The following CIMIP6 variants were observed in gnomAD, a reference collection of about 807,000 sequenced individuals.
CIMIP6 encodes ciliary microtubule inner protein 6, also known as uncharacterized protein C2orf73.
the CIMIP6 span, among the ~76,000 whole-genome samples, chr2:54,357,731 C>T: frequency 6.8e-6 from 1 of 146,188 alleles, no homozygotes; most frequent in Non-Finnish European, 1.5e-5. Context: ...CGTTCACCAC[C>T]ACGCCCAGCT....
At chr2:54,333,983 A>G in the CIMIP6 span, among the ~76,000 whole-genome samples, 2 of 152,192 alleles carry the variant, frequency 1.3e-5, no homozygotes, top group African/African-American at 4.8e-5. Context: ...GGCTGTGTAT[A>G]AGATTAAACG....
chr2:54,367,225 A>T, the CIMIP6 span, among the ~76,000 whole-genome samples: 7 of 152,178 alleles, frequency 4.6e-5, no homozygotes, highest in Non-Finnish European at 8.8e-5. Flanking sequence ...CAAGGCAAAT[A>T]AATCAGTAAA....
At chr2:54,357,032 C>T in the CIMIP6 span, among the ~76,000 whole-genome samples, 2 of 152,140 alleles carry the variant, frequency 1.3e-5, no homozygotes, top group Non-Finnish European at 2.9e-5. Flanking sequence ...AGAATTTTCT[C>T]AGTGTCATGC....
At chr2:54,351,835 A>G in the CIMIP6 span, among the ~76,000 whole-genome samples, 1 of 152,208 alleles carries the variant, frequency 6.6e-6, no homozygotes, top group Non-Finnish European at 1.5e-5. Context: ...TCTTTACAAG[A>G]AAAACTTAAA....
the CIMIP6 span, among the ~76,000 whole-genome samples, chr2:54,351,717 T>A: frequency 4.6e-5 from 7 of 152,118 alleles, no homozygotes; most frequent in Admixed American, 6.6e-5. Flanking sequence ...CAAACCCCCA[T>A]GAGACAAGCT....
At chr2:54,339,865 C>T in the CIMIP6 span, 7 of 319,230 alleles carry the variant, frequency 2.2e-5, 2 homozygotes, top group Non-Finnish European at 2.9e-5. Context: ...ACTTCACTTG[C>T]TTTTTACTAC....
At chr2:54,381,749 G>T in the CIMIP6 span, 4 of 1,407,480 alleles carry the variant, frequency 2.8e-6, no homozygotes, top group African/African-American at 4.5e-5. Flanking sequence ...TTTCCATCAT[G>T]GGCACATTTC....
At chr2:54,349,426 G>A in the CIMIP6 span, among the ~76,000 whole-genome samples, 1 of 152,176 alleles carries the variant, frequency 6.6e-6, no homozygotes, top group South Asian at 2.1e-4. Context: ...CAAATTGTAT[G>A]TTTGAATAAA....
At chr2:54,334,964 T>G in the CIMIP6 span, 1 of 1,604,596 alleles carries the variant, frequency 6.2e-7, no homozygotes, top group Non-Finnish European at 8.5e-7. Context: ...TTAACACAAA[T>G]GCAAGAACAT....
chr2:54,354,128 T>C, the CIMIP6 span, among the ~76,000 whole-genome samples: 1 of 152,170 alleles, frequency 6.6e-6, no homozygotes, highest in African/African-American at 2.4e-5. Flanking sequence ...CATTTACTTA[T>C]AGGACCTCCT....
the CIMIP6 span, among the ~76,000 whole-genome samples, chr2:54,375,767 ATT>A: frequency 6.6e-6 from 1 of 152,242 alleles, no homozygotes; most frequent in African/African-American, 2.4e-5. Flanking sequence ...TCTACTGTGC[ATT>A]TGAGCATGGG....
the CIMIP6 span, among the ~76,000 whole-genome samples, chr2:54,377,964 A>G: frequency 1.3e-5 from 2 of 152,252 alleles, no homozygotes; most frequent in East Asian, 1.9e-4. Flanking sequence ...TACGTGAAAC[A>G]CCCAGCCCAG....
At chr2:54,360,198 T>C in the CIMIP6 span, 1 of 1,550,090 alleles carries the variant, frequency 6.5e-7, no homozygotes, top group Non-Finnish European at 8.7e-7. Flanking sequence ...TGTTTTCTTT[T>C]CCAGAGACAC....
At chr2:54,379,055 G>T in the CIMIP6 span, among the ~76,000 whole-genome samples, 46,577 of 152,058 alleles carry the variant, frequency 0.31, 7,774 homozygotes, top group East Asian at 0.59. Context: ...ATAAACCAAC[G>T]AAGAAACAAA....
the CIMIP6 span, among the ~76,000 whole-genome samples, chr2:54,332,229 AC>A: frequency 2.0e-5 from 3 of 152,058 alleles, no homozygotes; most frequent in Admixed American, 1.3e-4. Context: ...CCTCCACCCT[AC>A]CTGAAAATGC....
the CIMIP6 span, chr2:54,335,009 A>T: frequency 6.3e-7 from 1 of 1,599,708 alleles, no homozygotes. Context: ...ATCCCAAAAA[A>T]GGGCCAGAAA....
the CIMIP6 span, chr2:54,331,138 A>G: frequency 1.3e-6 from 1 of 779,046 alleles, no homozygotes; most frequent in South Asian, 1.8e-5. Context: ...CAGTTGGCTG[A>G]GCGCTTACAA....
the CIMIP6 span, among the ~76,000 whole-genome samples, chr2:54,382,526 T>C: frequency 2.6e-5 from 4 of 152,156 alleles, no homozygotes; most frequent in African/African-American, 9.7e-5. Flanking sequence ...CTCCATGCCC[T>C]TTTATTTTTC....
the CIMIP6 span, among the ~76,000 whole-genome samples, chr2:54,362,681 G>A: frequency 6.6e-6 from 1 of 152,124 alleles, no homozygotes; most frequent in Non-Finnish European, 1.5e-5. Flanking sequence ...CTGAGTGCTG[G>A]GATTACAGGT....
Sources: gnomAD v4.1 joint callset for allele counts (sites outside exome capture counted in the v4.1 genomes callset) on GRCh38, gnomAD v4.1.1 for gene constraint, MANE v1.5 for transcripts, NCBI Gene and HGNC (gene_info 2026-07-23, HGNC 2026-07-21) for gene names.